The following CACNB4 variants were observed in gnomAD, a reference collection of about 807,000 sequenced individuals.
CACNB4 encodes calcium voltage-gated channel auxiliary subunit beta 4.
A neutral mutation model predicts 71.2 loss-of-function variants in CACNB4; 32 were observed. The ratio of observed to expected loss-of-function variants is 0.45; its 90% CI spans 0.34 to 0.60. The LOEUF is 0.60. Ranked by LOEUF, CACNB4 falls within the 20% of genes least tolerant of loss-of-function variation. The pLI is 0.01. For missense variants in CACNB4, 464 were observed against 647.9 expected (o/e 0.72, Z 3.08); for synonymous variants, 231 against 236.9 (o/e 0.97, Z 0.23).
intron 12 of CACNB4, among the ~76,000 whole-genome samples, 154 bp from the exon 13 acceptor site, chr2:151,842,242 A>G (rs2099836406): frequency 6.6e-6 from 1 of 151,522 alleles, no homozygotes; most frequent in East Asian, 2.0e-4. Context: ...GTTAGGGTCA[A>G]GTGAAGAGTT....
rs968439988 is a variant in CACNB4, at chr2:151,834,966, T to G, written c.*4153A>C. Reference sequence around the variant, plus strand: ...GCAGAAATGTAAAAGGAATAAGGGGTACATAGCATTTATTTGAAACATTGA... The same window carrying G: ...GCAGAAATGTAAAAGGAATAAGGGGGACATAGCATTTATTTGAAACATTGA... On this transcript the variant is annotated 3_prime_UTR_variant, in exon 14 of 14. Coordinates refer to ENST00000539935, the MANE Select transcript of CACNB4 (RefSeq NM_000726.5). 1 of 151,832 alleles carries G rather than the reference T, an allele frequency of 6.6e-6. No homozygotes were observed. Among genetic ancestry groups the G allele is most frequent in the Non-Finnish European group, 1.5e-5 (1 of 67,782 alleles). 9.4% of individuals were successfully genotyped at this position (151,832 alleles called of 1,614,324 possible). A position where few individuals can be genotyped will look rare whatever the true frequency, so the allele number is the denominator to read the frequency against.
At chr2:151,904,273 CT>C (rs901287596) in intron 2 of CACNB4, among the ~76,000 whole-genome samples, 2 of 152,190 alleles carry the variant, frequency 1.3e-5, no homozygotes, top group African/African-American at 2.4e-5. Context: ...CACTATTTAT[CT>C]GCTGAAATGG....
intron 2 of CACNB4, among the ~76,000 whole-genome samples, chr2:151,899,499 G>C (rs1020551004): frequency 3.9e-5 from 6 of 152,176 alleles, no homozygotes; most frequent in African/African-American, 1.4e-4. Flanking sequence ...CAGAATCTTT[G>C]CAGCTTTCTG....
At chr2:152,027,852 CAAAAAAA>C (rs5835403) in intron 2 of CACNB4, among the ~76,000 whole-genome samples, 1 of 76,212 alleles carries the variant, frequency 1.3e-5, no homozygotes, top group Non-Finnish European at 2.3e-5. Flanking sequence ...GACTCCGTCT[CAAAAAAA>C]AAAAAAAAAA....
At position 151,941,021 on chromosome 2, in the gene CACNB4, C is replaced by G. The variant is rs190712265; in HGVS notation, c.148-57651G>C. Among the ~76,000 whole-genome samples the G allele has an allele frequency of 4.0e-4, 61 of 152,242 alleles. No individual in the cohort carries two copies. The East Asian group carries it at 0.01, about 26-fold the overall frequency. On this transcript the variant is annotated intron_variant, in intron 2 of 13. Coordinates refer to ENST00000539935, the MANE Select transcript of CACNB4 (RefSeq NM_000726.5). ...CTCTGTCTCTATGGCATGGGAGTGT[C>G]TAATACTTTCAGAATAAGGCTTCCT...
chr2:151,960,439 T>C (rs889715330), intron 2 of CACNB4, among the ~76,000 whole-genome samples: 2 of 152,162 alleles, frequency 1.3e-5, no homozygotes, highest in Non-Finnish European at 2.9e-5. Flanking sequence ...GAAAATCTAC[T>C]TCCCCCGAGT....
chr2:152,088,886 T>A (rs1687819313), intron 2 of CACNB4, among the ~76,000 whole-genome samples: 2 of 152,250 alleles, frequency 1.3e-5, no homozygotes, highest in South Asian at 4.1e-4. Flanking sequence ...AAGCACTGTT[T>A]ATATTCAAGC....
chr2:151,864,678 C>G (rs1303128875), intron 9 of CACNB4, among the ~76,000 whole-genome samples: 1 of 152,148 alleles, frequency 6.6e-6, no homozygotes, highest in African/African-American at 2.4e-5. Flanking sequence ...ATGAGTCATT[C>G]CATCTTTTGA....
Position 151,975,298 on chromosome 2 carries a change from A to G in CACNB4, c.148-91928T>C, listed in dbSNP as rs1267016215. 2.0e-5 allele frequency among the ~76,000 whole-genome samples: 3 copies of G among 152,296 alleles called. No individual in the cohort carries two copies. The East Asian group carries it at 5.8e-4, about 29-fold the overall frequency. ...CGTAACTCTTAAAGGAACAAACCTG[A>G]GTCAAAATAATAACACAACAGCTAC... On this transcript the variant is annotated intron_variant, in intron 2 of 13. Coordinates refer to ENST00000539935, the MANE Select transcript of CACNB4 (RefSeq NM_000726.5).
rs1345883391 is a variant in CACNB4, at chr2:152,004,532, T to TACATAC, written c.147+93797_147+93798insGTATGT. On this transcript the variant is annotated intron_variant, in intron 2 of 13. Transcript: ENST00000539935. ...CCGTGTCCCCCCTACTTTACATACA[T>TACATAC]ACACACACACACACACACACACACA... Among the ~76,000 whole-genome samples the TACATAC allele has an allele frequency of 6.6e-4, 98 of 149,416 alleles. 1 individual carries two copies. The highest frequency in any genetic ancestry group is 2.1e-3 in the African/African-American group (86 of 40,524).
intron 2 of CACNB4, among the ~76,000 whole-genome samples, chr2:151,956,008 G>A (rs927990473): frequency 6.6e-6 from 1 of 152,162 alleles, no homozygotes; most frequent in Middle Eastern, 3.2e-3. Flanking sequence ...CAAAAGGAGG[G>A]AGTAATGTCC....
At position 151,834,086 on chromosome 2, in the gene CACNB4, C is replaced by CT; in HGVS notation, c.*5032dup. ...CATGCAAGTAGGGCAAGGGTGGCCC[C>CT]TACATAAATATAGACATAGCCATTT... is the stretch of plus-strand genomic sequence containing the variant. On this transcript the variant is annotated 3_prime_UTR_variant, in exon 14 of 14. Coordinates refer to ENST00000539935, the MANE Select transcript of CACNB4 (RefSeq NM_000726.5). 6.6e-6 allele frequency: 1 copy of CT among 152,150 alleles called. No homozygotes were observed. Among genetic ancestry groups the CT allele is most frequent in the South Asian group, 2.1e-4 (1 of 4,828 alleles). The allele number at this position is 152,150 out of a possible 1,614,324, so 9.4% of individuals were successfully genotyped here.
At chr2:152,008,569 G>T (rs1682865129) in intron 2 of CACNB4, among the ~76,000 whole-genome samples, 1 of 151,940 alleles carries the variant, frequency 6.6e-6, no homozygotes, top group Non-Finnish European at 1.5e-5. Context: ...CAAAGTGCCG[G>T]GATTACAAGC....
chr2:151,851,482 T>C (rs1343285123), intron 12 of CACNB4: 4 of 152,242 alleles, frequency 2.6e-5, no homozygotes, highest in Non-Finnish European at 4.4e-5. Context: ...ATGGAGCTGT[T>C]TGAAATCTCT....
At chr2:152,008,162 T>C (rs1682838937) in intron 2 of CACNB4, among the ~76,000 whole-genome samples, 1 of 152,168 alleles carries the variant, frequency 6.6e-6, no homozygotes, top group Non-Finnish European at 1.5e-5. Context: ...AGAGTTCCCA[T>C]TTCTCCACAT....
intron 2 of CACNB4, among the ~76,000 whole-genome samples, chr2:151,927,836 C>T (rs2099860634): frequency 6.6e-6 from 1 of 152,258 alleles, no homozygotes; most frequent in African/African-American, 2.4e-5. Flanking sequence ...ATAAAAAGCT[C>T]TGGCACAGTA....
At chr2:152,064,625 C>T (rs1023663633) in intron 2 of CACNB4, among the ~76,000 whole-genome samples, 9 of 152,108 alleles carry the variant, frequency 5.9e-5, no homozygotes, top group East Asian at 3.9e-4. Context: ...TCAAGTGATC[C>T]GCCCACCTTG....
intron 4 of CACNB4, among the ~76,000 whole-genome samples, chr2:151,877,073 A>T (rs1420276481): frequency 1.3e-5 from 1 of 79,094 alleles, no homozygotes; most frequent in Non-Finnish European, 3.0e-5. Flanking sequence ...ATATACACAT[A>T]GATATCTATA....
intron 2 of CACNB4, chr2:151,971,361 C>G (rs1344007456): frequency 4.9e-6 from 3 of 609,074 alleles, no homozygotes; most frequent in Non-Finnish European, 8.8e-6. Flanking sequence ...TTCAACAGCA[C>G]AGAACGGTAG....
Sources: allele counts gnomAD v4.1 joint callset (sites outside exome capture counted in the v4.1 genomes callset), GRCh38; gene constraint gnomAD v4.1.1; transcripts MANE v1.5; gene names NCBI Gene and HGNC (gene_info 2026-07-23, HGNC 2026-07-21).